Variants in SLC9A2 observed in about 807,000 individuals in gnomAD.
The protein encoded by SLC9A2 is solute carrier family 9 member A2.
In SLC9A2, 42 loss-of-function variants were observed where a neutral mutation model predicts 71.7. That is an observed-to-expected ratio of 0.59 (90% CI 0.46 to 0.76). The LOEUF (loss-of-function observed/expected upper bound fraction) is 0.76. SLC9A2 is among the 30% of genes least tolerant of loss of function. The probability of loss-of-function intolerance (pLI) is 0.00; values close to 1 mark genes in which losing one functional copy is unlikely to be tolerated. For missense variants in SLC9A2, 829 were observed against 1,017.4 expected (o/e 0.81, Z 2.52); for synonymous variants, 396 against 392.5 (o/e 1.01, Z -0.10).
At chr2:102,676,523 T>G (rs1432043367) in intron 3 of SLC9A2, among the ~76,000 whole-genome samples, 2 of 152,250 alleles carry the variant, frequency 1.3e-5, no homozygotes, top group Non-Finnish European at 2.9e-5. Context: ...TAATCCAGGA[T>G]TTTTGACAGT....
At chr2:102,651,598 C>A (rs1444191447) in intron 1 of SLC9A2, among the ~76,000 whole-genome samples, 1 of 152,218 alleles carries the variant, frequency 6.6e-6, no homozygotes, top group Non-Finnish European at 1.5e-5. Flanking sequence ...AGAGGATTCT[C>A]CCATCAATCA....
chr2:102,670,094 C>G (rs373666345), intron 3 of SLC9A2, among the ~76,000 whole-genome samples: 1 of 151,358 alleles, frequency 6.6e-6, no homozygotes, highest in African/African-American at 2.4e-5. Flanking sequence ...TGCAGTGGCG[C>G]GATCTCTGCT....
Position 102,704,690 on chromosome 2 carries a change from G to A in SLC9A2, c.1977+15G>A, listed in dbSNP as rs368407399. On this transcript the variant is annotated intron_variant, in intron 10 of 11. Coordinates refer to ENST00000233969, the MANE Select transcript of SLC9A2 (RefSeq NM_003048.6). ...GAGAACACAGGGTAACTGAGTGTGC[G>A]CCTCTAGGAGACTTCCAGGGGTGGA... The A allele has an allele frequency of 4.0e-5, 64 of 1,605,872 alleles. No homozygotes were observed. Among genetic ancestry groups the A allele is most frequent in the African/African-American group, 3.9e-4 (29 of 74,784 alleles).
At chr2:102,661,165 G>A (rs565436962) in intron 2 of SLC9A2, among the ~76,000 whole-genome samples, 1 of 152,330 alleles carries the variant, frequency 6.6e-6, no homozygotes, top group Non-Finnish European at 1.5e-5. Context: ...AATGTTGCAT[G>A]AAAACTTTCC....
Position 102,619,838 on chromosome 2 carries a change from C to T in SLC9A2, c.-11C>T, listed in dbSNP as rs1339492964. The T allele has an allele frequency of 3.4e-6, 5 of 1,483,900 alleles. No homozygotes were observed. The highest frequency in any genetic ancestry group is 3.6e-6 in the Non-Finnish European group (4 of 1,118,680). 91.9% of individuals were successfully genotyped at this position (1,483,900 alleles called of 1,614,324 possible). On this transcript the variant is annotated 5_prime_UTR_variant, in exon 1 of 12. Coordinates refer to ENST00000233969, the MANE Select transcript of SLC9A2 (RefSeq NM_003048.6). The surrounding 1 kb of genome is among the most constrained non-coding windows in gnomAD (Gnocchi z 4.3). Reference sequence around the variant, plus strand: ...AACCGCCGGTCCCCTTGGCGGCAACCGGCGGCACCCATGGAACCACTGGGC... The same window carrying T: ...AACCGCCGGTCCCCTTGGCGGCAACTGGCGGCACCCATGGAACCACTGGGC...
chr2:102,657,819 T>C lies in SLC9A2; in HGVS notation c.545T>C (p.Ile182Thr), dbSNP rs774795762. ...GTGGTAGGGACACTTTGGAATTCCA[T>C]TGGCATTGGGGTGTCTTTGTTTGGT... ...YAVVGTLWNS[I>T]GIGVSLFGIC... The change falls in exon 2 of 12, where the codon ATT becomes ACT. Residue 182 changes from isoleucine to threonine, a missense_variant. Transcript: ENST00000233969. 1.6e-5 allele frequency: 26 copies of C among 1,614,078 alleles called. No homozygotes were observed. Among genetic ancestry groups the C allele is most frequent in the East Asian group, 4.5e-5 (2 of 44,906 alleles).
intron 1 of SLC9A2, among the ~76,000 whole-genome samples, chr2:102,638,872 T>C (rs1676519929): frequency 6.6e-6 from 1 of 152,248 alleles, no homozygotes; most frequent in East Asian, 1.9e-4. Flanking sequence ...CATTCTGTGC[T>C]CTTTTTTCAC....
intron 8 of SLC9A2, among the ~76,000 whole-genome samples, 169 bp from the exon 9 acceptor site, chr2:102,702,237 A>G (rs1677886012): frequency 6.6e-6 from 1 of 152,232 alleles, no homozygotes; most frequent in South Asian, 2.1e-4. Flanking sequence ...TGATTTTGAA[A>G]CTGAAATAAG....
At chr2:102,681,625 A>G (rs1304191258) in intron 3 of SLC9A2, among the ~76,000 whole-genome samples, 2 of 152,232 alleles carry the variant, frequency 1.3e-5, no homozygotes, top group African/African-American at 4.8e-5. Flanking sequence ...AGGCTTTGCC[A>G]TGTGTTTATA....
At chr2:102,698,150 T>C (rs1677802525) in intron 7 of SLC9A2, among the ~76,000 whole-genome samples, 2 of 152,212 alleles carry the variant, frequency 1.3e-5, no homozygotes, top group Admixed American at 1.3e-4. Context: ...TGTGTTGCTG[T>C]CAGGAGTCCT....
At chr2:102,645,679 A>C (rs1676708666) in intron 1 of SLC9A2, among the ~76,000 whole-genome samples, 1 of 151,984 alleles carries the variant, frequency 6.6e-6, no homozygotes, top group African/African-American at 2.4e-5. Context: ...TAGCCGAATT[A>C]ATCAAGCGGA....
At chr2:102,698,046 G>C (rs909147347) in intron 7 of SLC9A2, among the ~76,000 whole-genome samples, 1 of 152,154 alleles carries the variant, frequency 6.6e-6, no homozygotes. Flanking sequence ...ACACGAAATA[G>C]AGCAGATGCC....
At position 102,619,714 on chromosome 2, in the gene SLC9A2, C is replaced by A; in HGVS notation, c.-135C>A. On this transcript the variant is annotated 5_prime_UTR_variant, in exon 1 of 12. Transcript: ENST00000233969. This position sits in a 1 kb window ranked among gnomAD's most constrained non-coding sequence, Gnocchi z 4.3. ...CCCTCTGGTTGCAGAGACCCGGTGCCGCAGCAGCGGCGGGTGGCTGTCGCT... is the reference window on the plus strand; with the variant it reads ...CCCTCTGGTTGCAGAGACCCGGTGCAGCAGCAGCGGCGGGTGGCTGTCGCT... 1.4e-6 allele frequency: 1 copy of A among 726,762 alleles called. No individual in the cohort carries two copies. The allele number at this position is 726,762 out of a possible 1,614,324, so 45.0% of individuals were successfully genotyped here. A position where few individuals can be genotyped will look rare whatever the true frequency, so the allele number is the denominator to read the frequency against.
In SLC9A2 at chr2:102,709,716, C is replaced by G. The variant is rs1427556904; in HGVS notation, c.*1227C>G. 6.6e-6 allele frequency: 1 copy of G among 152,472 alleles called. No homozygotes were observed. The highest frequency in any genetic ancestry group is 2.4e-5 in the African/African-American group (1 of 41,366). 9.4% of individuals were successfully genotyped at this position (152,472 alleles called of 1,614,324 possible). A position where few individuals can be genotyped will look rare whatever the true frequency, so the allele number is the denominator to read the frequency against. On this transcript the variant is annotated 3_prime_UTR_variant, in exon 12 of 12. Transcript: ENST00000233969. Reference sequence around the variant, plus strand: ...CTCATTAGAGTACTTTTTAAAAGTACAGCAGAAAGAAAAGAAGTGGAACAT... The same window carrying G: ...CTCATTAGAGTACTTTTTAAAAGTAGAGCAGAAAGAAAAGAAGTGGAACAT...
At chr2:102,668,063 G>T (rs1023207625) in intron 3 of SLC9A2, among the ~76,000 whole-genome samples, 5 of 151,816 alleles carry the variant, frequency 3.3e-5, no homozygotes, top group Admixed American at 6.6e-5. Context: ...AACAGATTGA[G>T]ACTCGGTCTC....
chr2:102,690,310 G>A (rs62152127), intron 5 of SLC9A2, among the ~76,000 whole-genome samples: 29,665 of 151,942 alleles, frequency 0.2, 3,296 homozygotes, highest in South Asian at 0.34. Context: ...ATGTAGTGAC[G>A]CCGTGATGAG....
chr2:102,619,768 C>A lies in SLC9A2; in HGVS notation c.-81C>A, dbSNP rs1032191762. The A allele has an allele frequency of 7.7e-6, 10 of 1,305,368 alleles. No homozygotes were observed. Among genetic ancestry groups the A allele is most frequent in the Non-Finnish European group, 1.0e-5 (10 of 988,714 alleles). 80.9% of individuals were successfully genotyped at this position (1,305,368 alleles called of 1,614,324 possible). The stretch of plus-strand genomic sequence containing the variant: ...CTGCCCTGCACGGGGCAGGGCGGAG[C>A]GGGCTGAGCAGCCCGGGCGCGATGC... On this transcript the variant is annotated 5_prime_UTR_variant, in exon 1 of 12. Coordinates refer to ENST00000233969, the MANE Select transcript of SLC9A2 (RefSeq NM_003048.6). The surrounding 1 kb of genome is among the most constrained non-coding windows in gnomAD (Gnocchi z 4.3).
At chr2:102,625,942 G>A (rs906706494) in intron 1 of SLC9A2, among the ~76,000 whole-genome samples, 2 of 152,154 alleles carry the variant, frequency 1.3e-5, no homozygotes, top group African/African-American at 4.8e-5. Context: ...CACCAACAGT[G>A]TAAAAGTGTT....
Position 102,710,031 on chromosome 2 carries a change from C to G in SLC9A2, c.*1542C>G, listed in dbSNP as rs1678074492. 6.5e-6 allele frequency: 1 copy of G among 152,730 alleles called. No individual in the cohort carries two copies. Among genetic ancestry groups the G allele is most frequent in the African/African-American group, 2.4e-5 (1 of 41,440 alleles). 9.5% of individuals were successfully genotyped at this position (152,730 alleles called of 1,614,324 possible). A position where few individuals can be genotyped will look rare whatever the true frequency, so the allele number is the denominator to read the frequency against. ...CCTCCACCAGCAAGGAGAAGTCAAT[C>G]TACACTTTTTTCTCATGTTCTAAAG... is the stretch of plus-strand genomic sequence containing the variant. On this transcript the variant is annotated 3_prime_UTR_variant, in exon 12 of 12. Coordinates refer to ENST00000233969, the MANE Select transcript of SLC9A2 (RefSeq NM_003048.6).
Sources: allele counts gnomAD v4.1 joint callset (sites outside exome capture counted in the v4.1 genomes callset), GRCh38; gene constraint gnomAD v4.1.1; non-coding constraint Gnocchi (gnomAD v3.1); transcripts MANE v1.5; gene names NCBI Gene and HGNC (gene_info 2026-07-23, HGNC 2026-07-21).